Variants in PRXL2A observed in about 807,000 individuals in gnomAD.
The protein encoded by PRXL2A is peroxiredoxin-like 2A.
In PRXL2A, 26 loss-of-function variants were observed where a neutral mutation model predicts 25.6. That is an observed-to-expected ratio of 1.02 (90% CI 0.74 to 1.41). The LOEUF is 1.41. PRXL2A is among the 40% of genes most tolerant of loss of function. The pLI, the probability that PRXL2A is intolerant of heterozygous loss-of-function variation, is 0.00. For missense variants in PRXL2A, 246 were observed against 273.9 expected (o/e 0.90, Z 0.72); for synonymous variants, 98 against 102.9 (o/e 0.95, Z 0.29).
intron 5 of PRXL2A, 110 bp downstream of exon 5, chr10:80,427,606 C>T: frequency 9.1e-7 from 1 of 1,100,858 alleles, no homozygotes; most frequent in Non-Finnish European, 1.3e-6. Flanking sequence ...GGTCTCCTAG[C>T]CTTCCTTCTA....
chr10:80,430,504 G>A lies in PRXL2A; in HGVS notation c.577-1482G>A, dbSNP rs149241813. On this transcript the variant is annotated intron_variant, in intron 5 of 5. Coordinates refer to ENST00000606162, the MANE Select transcript of PRXL2A (RefSeq NM_032333.5). ...CTATAAAGAATAAAAAAGTTTAGCCGGCGTGGTGACATGCACCTGTAGTCC... is the reference window on the plus strand; with the variant it reads ...CTATAAAGAATAAAAAAGTTTAGCCAGCGTGGTGACATGCACCTGTAGTCC... 1.2e-3 allele frequency among the ~76,000 whole-genome samples: 188 copies of A among 152,214 alleles called. 3 individuals are homozygous for A. The highest frequency in any genetic ancestry group is 9.8e-3 in the Admixed American group (150 of 15,276).
chr10:80,427,198 G>C (rs1845070448), intron 4 of PRXL2A, 134 bp from the exon 5 acceptor site: 1 of 675,708 alleles, frequency 1.5e-6, no homozygotes, highest in South Asian at 1.9e-5. Flanking sequence ...TGTGTGTTGG[G>C]TGGGAGAGAA....
In PRXL2A at chr10:80,408,614, TA is replaced by T; in HGVS notation, c.-28del. ...CCTTAGCGCCCGGGCGTCGGGGCGG[TA>T]AAAGGCCGGCAGAAGGGAGGCACTT... On this transcript the variant is annotated 5_prime_UTR_variant, in exon 1 of 6. Transcript: ENST00000606162. 6.6e-6 allele frequency: 1 copy of T among 151,760 alleles called. No individual in the cohort carries two copies. Among genetic ancestry groups the T allele is most frequent in the Non-Finnish European group, 1.5e-5 (1 of 67,908 alleles). 9.4% of individuals were successfully genotyped at this position (151,760 alleles called of 1,614,324 possible). A position where few individuals can be genotyped will look rare whatever the true frequency, so the allele number is the denominator to read the frequency against.
At chr10:80,409,643 G>A (rs1844413660) in intron 1 of PRXL2A, among the ~76,000 whole-genome samples, 1 of 152,206 alleles carries the variant, frequency 6.6e-6, no homozygotes, top group African/African-American at 2.4e-5. Flanking sequence ...TTTGGAGAAT[G>A]AGGATTGGGA....
At chr10:80,418,347 G>A (rs982558078) in intron 1 of PRXL2A, among the ~76,000 whole-genome samples, 11 of 152,082 alleles carry the variant, frequency 7.2e-5, no homozygotes, top group African/African-American at 2.2e-4. Context: ...ACATGATTTC[G>A]TTCTTTTTTT....
Position 80,433,348 on chromosome 10 carries a change from T to A in PRXL2A, c.*1249T>A, listed in dbSNP as rs535074344. On this transcript the variant is annotated 3_prime_UTR_variant, in exon 6 of 6. Transcript: ENST00000606162. Reference sequence around the variant, plus strand: ...TTTTGTCGTGTAAGTTTGAGTGACATCATCAAGACCTACCAGGGAGCTCGG... The same window carrying A: ...TTTTGTCGTGTAAGTTTGAGTGACAACATCAAGACCTACCAGGGAGCTCGG... 1.3e-5 allele frequency: 2 copies of A among 152,314 alleles called. No homozygotes were observed. Among genetic ancestry groups the A allele is most frequent in the Non-Finnish European group, 2.9e-5 (2 of 68,032 alleles). The allele number at this position is 152,314 out of a possible 1,614,324, so 9.4% of individuals were successfully genotyped here.
In PRXL2A at chr10:80,426,014, T is replaced by G. The variant is rs776502753; in HGVS notation, c.411+8T>G. 5.0e-6 allele frequency: 8 copies of G among 1,614,028 alleles called. No individual in the cohort carries two copies. The South Asian group carries it at 8.8e-5, about 18-fold the overall frequency. On this transcript the variant is annotated splice_region_variant and intron_variant, in intron 4 of 5. Coordinates refer to ENST00000606162, the MANE Select transcript of PRXL2A (RefSeq NM_032333.5). ...ATCTTCCTGGATGAAAAGGTGTGTG[T>G]GATGGGAGGCTTTTAGACACAGACT...
At chr10:80,409,725 G>T (rs913686401) in intron 1 of PRXL2A, among the ~76,000 whole-genome samples, 2 of 152,118 alleles carry the variant, frequency 1.3e-5, no homozygotes, top group African/African-American at 4.8e-5. Context: ...TACAAATAAC[G>T]TTTTGAGGGT....
chr10:80,427,706 C>T lies in PRXL2A; in HGVS notation c.576+210C>T, dbSNP rs146099294. Among the ~76,000 whole-genome samples, 137 of 152,332 alleles carry T rather than the reference C, an allele frequency of 9.0e-4. 1 individual carries two copies. Among genetic ancestry groups the T allele is most frequent in the African/African-American group, 3.0e-3 (124 of 41,580 alleles). On this transcript the variant is annotated intron_variant, in intron 5 of 5. Transcript: ENST00000606162. ...CTAGTACCTCATACTTGAATCTACT[C>T]ACTCATCACAGTGACATCATGAGAC...
intron 2 of PRXL2A, among the ~76,000 whole-genome samples, chr10:80,421,808 C>T (rs1041926994): frequency 2.6e-5 from 4 of 152,038 alleles, no homozygotes; most frequent in African/African-American, 9.7e-5. Context: ...GCCCTGTGGC[C>T]CAAAGTGGAG....
chr10:80,422,648 T>TA, intron 3 of PRXL2A, 140 bp downstream of exon 3: 2 of 464,432 alleles, frequency 4.3e-6, no homozygotes, highest in Non-Finnish European at 3.4e-6. Flanking sequence ...TCTAGGTATT[T>TA]CTTTGATTTG....
chr10:80,421,651 AT>A (rs72300118), intron 2 of PRXL2A, among the ~76,000 whole-genome samples: 2,232 of 144,322 alleles, frequency 0.015, 52 homozygotes, highest in African/African-American at 0.049. Context: ...ACCTGACCCC[AT>A]TTTTTTTTTT....
chr10:80,417,144 A>C (rs1356903316), intron 1 of PRXL2A, among the ~76,000 whole-genome samples: 4 of 152,280 alleles, frequency 2.6e-5, no homozygotes, highest in African/African-American at 7.2e-5. Context: ...AAGAATCAAA[A>C]GAAGCAAAAT....
chr10:80,422,642 G>T, intron 3 of PRXL2A, 134 bp downstream of exon 3: 2 of 478,454 alleles, frequency 4.2e-6, no homozygotes, highest in South Asian at 3.0e-5. Flanking sequence ...ATTTGCTCTA[G>T]GTATTTCTTT....
chr10:80,415,503 C>T (rs1844628557), intron 1 of PRXL2A, among the ~76,000 whole-genome samples: 1 of 152,230 alleles, frequency 6.6e-6, no homozygotes, highest in South Asian at 2.1e-4. Context: ...CTGTGTCCTA[C>T]ACCGGCTCCA....
chr10:80,410,071 G>T (rs1317157465), intron 1 of PRXL2A, among the ~76,000 whole-genome samples: 2 of 152,208 alleles, frequency 1.3e-5, no homozygotes, highest in African/African-American at 4.8e-5. Flanking sequence ...CATTTAAATG[G>T]TGCTCAGAAA....
At chr10:80,427,840 A>T (rs1386440428) in intron 5 of PRXL2A, among the ~76,000 whole-genome samples, 2 of 152,152 alleles carry the variant, frequency 1.3e-5, no homozygotes, top group Non-Finnish European at 2.9e-5. Flanking sequence ...AGGTTTGCTG[A>T]CTTTAAGTTC....
At chr10:80,420,377 G>C (rs905713446) in intron 1 of PRXL2A, 89 bp from the exon 2 acceptor site, 2 of 1,501,864 alleles carry the variant, frequency 1.3e-6, no homozygotes, top group African/African-American at 2.8e-5. Flanking sequence ...CCTCCTGGTT[G>C]GCTGTCCTGC....
Position 80,421,997 on chromosome 10 carries a change from G to A in PRXL2A, c.179-420G>A, listed in dbSNP as rs58041569. ...CTAGGCATCTTCTATCCTCTCCTTC[G>A]TTAATAATATTGCAGGTAACATATT... On this transcript the variant is annotated intron_variant, in intron 2 of 5. Transcript: ENST00000606162. Among the ~76,000 whole-genome samples the A allele has an allele frequency of 3.6e-3, 554 of 152,238 alleles. 4 individuals are homozygous for A. Among genetic ancestry groups the A allele is most frequent in the African/African-American group, 0.012 (516 of 41,536 alleles).
Sources: allele counts gnomAD v4.1 joint callset (sites outside exome capture counted in the v4.1 genomes callset), GRCh38; gene constraint gnomAD v4.1.1; transcripts MANE v1.5; gene names NCBI Gene and HGNC (gene_info 2026-07-23, HGNC 2026-07-21).